Variants in GNL3 observed in about 807,000 individuals in gnomAD.
GNL3 encodes the protein guanine nucleotide-binding protein-like 3.
In GNL3, 77 loss-of-function variants were observed where a neutral mutation model predicts 70.6. That is an observed-to-expected ratio of 1.09 (90% CI 0.91 to 1.32). The LOEUF (loss-of-function observed/expected upper bound fraction) is 1.32. Ranked by LOEUF, GNL3 falls within the 40% of genes most tolerant of loss-of-function variation. The probability of loss-of-function intolerance (pLI) is 0.00; values close to 1 mark genes in which losing one functional copy is unlikely to be tolerated. For missense variants in GNL3, 634 were observed against 644.0 expected (o/e 0.98, Z 0.17); for synonymous variants, 252 against 216.1 (o/e 1.17, Z -1.46).
chr3:52,694,081 ACTGT>A lies in GNL3; in HGVS notation c.1549_1552del (p.Ser517ArgfsTer61). 1 of 1,613,006 alleles carries A rather than the reference ACTGT, an allele frequency of 6.2e-7. No homozygotes were observed. The highest frequency in any genetic ancestry group is 8.5e-7 in the Non-Finnish European group (1 of 1,178,892). On this transcript the variant is annotated frameshift_variant, in exon 14 of 15. Transcript: ENST00000418458. LOFTEE classifies it low-confidence loss of function (END_TRUNC). ...TTGCTGCAGAAGAGACAGGGGAGGC[ACTGT>A]CTGAGGAGACTACAGCAGGTGAGGC...
rs550804186 is a variant in GNL3 at position 52,691,278 on chromosome 3, C to G, written c.781+207C>G. On this transcript the variant is annotated intron_variant, in intron 8 of 14. Coordinates refer to ENST00000418458, the MANE Select transcript of GNL3 (RefSeq NM_014366.5). Reference sequence around the variant, plus strand: ...AAACTTACACAACTGCTGCCAGATTCAGGTTTTTTGTTGGGACTGATTACT... The same window carrying G: ...AAACTTACACAACTGCTGCCAGATTGAGGTTTTTTGTTGGGACTGATTACT... 5.5e-5 allele frequency: 34 copies of G among 612,786 alleles called. 1 individual carries two copies. The African/African-American group carries it at 5.7e-4, about 10-fold the overall frequency. The allele number at this position is 612,786 out of a possible 1,614,324, so 38.0% of individuals were successfully genotyped here.
intron 9 of GNL3, among the ~76,000 whole-genome samples, chr3:52,692,559 C>CA (rs1232188232): frequency 6.6e-6 from 1 of 151,586 alleles, no homozygotes; most frequent in Non-Finnish European, 1.5e-5. Context: ...TCAGGTGATC[C>CA]ACCCACCTCG....
At chr3:52,686,690 G>T (rs954540899) in intron 1 of GNL3, 79 bp from the exon 2 acceptor site, 1 of 1,081,810 alleles carries the variant, frequency 9.2e-7, no homozygotes. Context: ...AATAACACAA[G>T]AAAAGGATAT....
rs1387786670 is a variant in GNL3 at position 52,687,997 on chromosome 3, C to T, written c.325-112C>T. On this transcript the variant is annotated intron_variant, in intron 4 of 14. Coordinates refer to ENST00000418458, the MANE Select transcript of GNL3 (RefSeq NM_014366.5). ...GAGGAAGACAACTGAGTTCAGACTC[C>T]ATCTTACCTATTTAACAACTGCAAG... The T allele has an allele frequency of 1.3e-5, 9 of 715,144 alleles. No homozygotes were observed. In the East Asian group the frequency reaches 2.2e-4, roughly 18 times the overall value. 44.3% of individuals were successfully genotyped at this position (715,144 alleles called of 1,614,324 possible). A position where few individuals can be genotyped will look rare whatever the true frequency, so the allele number is the denominator to read the frequency against.
Position 52,686,099 on chromosome 3 carries a change from A to C in GNL3, c.7A>C (p.Arg3=), listed in dbSNP as rs1462255280. ...GCTTCCTTCTACAGCCAATATGAAA[A>C]GGCCTAGTAAGTGGGGTCGGGAGGC... The part of the protein sequence containing the change: MK[R]PKLKKASKRM... Residue 3 remains arginine, a synonymous_variant, in exon 1 of 15, where the codon AGG becomes CGG. Transcript: ENST00000418458. The C allele has an allele frequency of 1.3e-6, 2 of 1,505,820 alleles. No individual in the cohort carries two copies. Among genetic ancestry groups the C allele is most frequent in the African/African-American group, 2.7e-5 (2 of 72,920 alleles). The allele number at this position is 1,505,820 out of a possible 1,614,324, so 93.3% of individuals were successfully genotyped here.
At chr3:52,693,927 C>T (rs1035700318) in intron 13 of GNL3, 110 bp from the exon 14 acceptor site, 28 of 1,287,948 alleles carry the variant, frequency 2.2e-5, no homozygotes, top group Non-Finnish European at 3.0e-5. Context: ...TAATTTTGCA[C>T]ATCCCGTTAT....
intron 8 of GNL3, chr3:52,691,304 G>C (rs1420944163): frequency 5.0e-6 from 3 of 604,888 alleles, no homozygotes; most frequent in Non-Finnish European, 8.7e-6. Context: ...ACTGATTACT[G>C]TAGGAAGCTG....
chr3:52,688,022 G>C, intron 4 of GNL3, 87 bp from the exon 5 acceptor site: 2 of 779,216 alleles, frequency 2.6e-6, no homozygotes. Flanking sequence ...ACAACTGCAA[G>C]GGCTGCTACT....
At chr3:52,691,455 T>A in intron 8 of GNL3, 87 bp from the exon 9 acceptor site, 1 of 804,180 alleles carries the variant, frequency 1.2e-6, no homozygotes, top group Non-Finnish European at 2.2e-6. Flanking sequence ...GCCCTAAACA[T>A]CAGGGAAATG....
In GNL3 at chr3:52,691,050, G is replaced by A. The variant is rs1487530914; in HGVS notation, c.760G>A (p.Ala254Thr). The A allele has an allele frequency of 1.9e-6, 3 of 1,613,876 alleles. No homozygotes were observed. Among genetic ancestry groups the A allele is most frequent in the East Asian group, 2.2e-5 (1 of 44,892 alleles). Residue 254 changes from alanine (A) to threonine (T), a missense_variant, in exon 8 of 15, where the codon GCC (alanine) becomes ACC (threonine). By Grantham distance (58) the Ala-to-Thr change is moderately conservative. Transcript: ENST00000418458. ...LGGFQETCSK[A>T]IRVGVIGFPN... ...AGGTTTTCAGGAAACTTGCAGCAAA[G>A]CCATTCGGGTTGGAGTAATTGGTGA...
intron 9 of GNL3, among the ~76,000 whole-genome samples, chr3:52,692,294 C>T (rs368278259): frequency 6.6e-6 from 1 of 151,750 alleles, no homozygotes; most frequent in Non-Finnish European, 1.5e-5. Context: ...GTCATCCACC[C>T]GCCTAGGCCT....
Position 52,693,003 on chromosome 3 carries a change from T to C in GNL3, c.1001T>C (p.Met334Thr), listed in dbSNP as rs534316607. ...SPASIEVVKP[M>T]EAASAILSQA... ...GCAAGTATTGAAGTAGTAAAACCGATGGAGGCTGCCAGTGCCATCCTTTCC... is the reference window on the plus strand; with the variant it reads ...GCAAGTATTGAAGTAGTAAAACCGACGGAGGCTGCCAGTGCCATCCTTTCC... The change falls in exon 10 of 15, where the codon ATG becomes ACG. Residue 334 changes from methionine to threonine, a missense_variant. Met to Thr is a moderately conservative substitution (Grantham distance 81, BLOSUM62 -1). Transcript: ENST00000418458. 98 of 1,614,094 alleles carry C rather than the reference T, an allele frequency of 6.1e-5. No homozygotes were observed. The Admixed American group carries it at 1.6e-3, about 26-fold the overall frequency.
rs2097328828 is a variant in GNL3, at chr3:52,692,984, A to G, written c.982A>G (p.Ile328Val). The G allele has an allele frequency of 6.2e-7, 1 of 1,614,048 alleles. No homozygotes were observed. Among genetic ancestry groups the G allele is most frequent in the South Asian group, 1.1e-5 (1 of 91,094 alleles). ...GCTTGCTCTGCGAAGTCCAGCAAGT[A>G]TTGAAGTAGTAAAACCGATGGAGGC... Reference protein sequence around the residue: ...SALALRSPASIEVVKPMEAAS... With the variant: ...SALALRSPASVEVVKPMEAAS... Residue 328 changes from isoleucine to valine, a missense_variant, in exon 10 of 15, where the codon ATT (isoleucine) becomes GTT (valine). Coordinates refer to ENST00000418458, the MANE Select transcript of GNL3 (RefSeq NM_014366.5).
intron 5 of GNL3, 170 bp from the exon 6 acceptor site, chr3:52,688,904 G>A (rs1578574110): frequency 1.6e-6 from 1 of 632,370 alleles, no homozygotes; most frequent in East Asian, 2.6e-5. Flanking sequence ...AATGATGAGG[G>A]TCAACATTCT....
chr3:52,691,183 G>C (rs977391704), intron 8 of GNL3, 112 bp downstream of exon 8: 35 of 915,202 alleles, frequency 3.8e-5, no homozygotes, highest in East Asian at 2.9e-4. Context: ...CAAGTAAAAG[G>C]CTCACTCAAA....
intron 5 of GNL3, chr3:52,688,788 T>G: frequency 2.5e-6 from 1 of 396,998 alleles, no homozygotes; most frequent in Non-Finnish European, 4.6e-6. Context: ...CCTATCAAAC[T>G]ATATAATTCA....
intron 5 of GNL3, 97 bp from the exon 6 acceptor site, chr3:52,688,976 GC>G: frequency 1.1e-6 from 1 of 951,886 alleles, no homozygotes; most frequent in Non-Finnish European, 1.7e-6. Context: ...AATGGATAAT[GC>G]CAGTACTCTC....
At chr3:52,694,158 C>T (rs763414074) in intron 14 of GNL3, 35 bp from the exon 15 acceptor site, 1 of 1,595,798 alleles carries the variant, frequency 6.3e-7, no homozygotes, top group East Asian at 2.2e-5. Flanking sequence ...ATCACTTTTA[C>T]TTTTTGAAAA....
At position 52,693,217 on chromosome 3, in the gene GNL3, AG is replaced by A. The variant is rs1337718177; in HGVS notation, c.1077del (p.Asn360IlefsTer40). On this transcript the variant is annotated frameshift_variant, in exon 11 of 15. Transcript: ENST00000418458. LOFTEE classifies it high-confidence loss of function. ...ACTGAAATATACTGTCCCAGGCTACAGGAATTCTCTGGAATTTTTTACTGTG... is the reference window on the plus strand; with the variant it reads ...ACTGAAATATACTGTCCCAGGCTACAGAATTCTCTGGAATTTTTTACTGTG... ...VVLKYTVPGY[R>X]NSLEFFTVLA... 2 of 1,613,844 alleles carry A rather than the reference AG, an allele frequency of 1.2e-6. No individual in the cohort carries two copies. The highest frequency in any genetic ancestry group is 1.7e-6 in the Non-Finnish European group (2 of 1,179,888).
Sources: gnomAD v4.1 joint callset for allele counts (sites outside exome capture counted in the v4.1 genomes callset) on GRCh38, gnomAD v4.1.1 for gene constraint, MANE v1.5 for transcripts, NCBI Gene and HGNC (gene_info 2026-07-23, HGNC 2026-07-21) for gene names.